Variants in NAALADL2 observed in about 807,000 individuals in gnomAD.
NAALADL2 encodes inactive N-acetylated-alpha-linked acidic dipeptidase-like protein 2.
A neutral mutation model predicts 87.2 loss-of-function variants in NAALADL2; 76 were observed. The ratio of observed to expected loss-of-function variants is 0.87; its 90% CI spans 0.72 to 1.05. NAALADL2 has a LOEUF of 1.05. NAALADL2 is among the 50% of genes least tolerant of loss of function. The probability of loss-of-function intolerance (pLI) is 0.00; values close to 1 mark genes in which losing one functional copy is unlikely to be tolerated. For missense variants in NAALADL2, 1,089 were observed against 945.8 expected (o/e 1.15, Z -1.99); for synonymous variants, 354 against 331.0 (o/e 1.07, Z -0.75).
chr3:175,650,375 A>T (rs1046774901), intron 11 of NAALADL2, among the ~76,000 whole-genome samples: 3 of 152,124 alleles, frequency 2.0e-5, no homozygotes, highest in African/African-American at 4.8e-5. Context: ...TTTTTAGAGG[A>T]TGGGAGAGGT....
chr3:175,748,010 T>G (rs1197292316), intron 12 of NAALADL2, among the ~76,000 whole-genome samples: 1 of 150,546 alleles, frequency 6.6e-6, no homozygotes, highest in Non-Finnish European at 1.5e-5. Flanking sequence ...ATCTGTTGCT[T>G]TTTTTTTTAA....
chr3:175,786,788 C>G (rs6798370), intron 13 of NAALADL2, among the ~76,000 whole-genome samples: 1,780 of 152,116 alleles, frequency 0.012, 43 homozygotes, highest in African/African-American at 0.041. Flanking sequence ...GAGAGGCGCT[C>G]TGCGTTTTAG....
At chr3:175,258,116 G>C (rs2109853778) in intron 4 of NAALADL2, among the ~76,000 whole-genome samples, 1 of 152,134 alleles carries the variant, frequency 6.6e-6, no homozygotes, top group South Asian at 2.1e-4. Flanking sequence ...AGACCATCTT[G>C]GCCAACATGG....
intron 2 of NAALADL2, among the ~76,000 whole-genome samples, chr3:175,156,913 G>T (rs1183638927): frequency 1.3e-5 from 2 of 151,934 alleles, no homozygotes; most frequent in Admixed American, 1.3e-4. Flanking sequence ...AATCAAGTCA[G>T]GTCGAACATA....
intron 2 of NAALADL2, among the ~76,000 whole-genome samples, chr3:175,143,213 G>A (rs1265022221): frequency 6.6e-6 from 1 of 151,890 alleles, no homozygotes; most frequent in African/African-American, 2.4e-5. Context: ...CATATGCATA[G>A]TATCTAATAG....
At chr3:175,506,576 A>G (rs1395055874) in intron 9 of NAALADL2, among the ~76,000 whole-genome samples, 2 of 152,246 alleles carry the variant, frequency 1.3e-5, no homozygotes, top group African/African-American at 4.8e-5. Flanking sequence ...ATTTTAATTC[A>G]TCTCAGTCAC....
intron 5 of NAALADL2, among the ~76,000 whole-genome samples, chr3:175,420,519 A>T (rs1251355438): frequency 6.6e-6 from 1 of 152,042 alleles, no homozygotes; most frequent in South Asian, 2.1e-4. Context: ...CCTTTGGAAC[A>T]TACAGCCAGT....
intron 5 of NAALADL2, among the ~76,000 whole-genome samples, chr3:175,380,051 G>A (rs1243265459): frequency 6.6e-6 from 1 of 152,066 alleles, no homozygotes; most frequent in Non-Finnish European, 1.5e-5. Flanking sequence ...GACTGTTGTG[G>A]GGTGTGGGCA....
chr3:175,637,045 C>A (rs9840114), intron 11 of NAALADL2, among the ~76,000 whole-genome samples: 1 of 152,196 alleles, frequency 6.6e-6, no homozygotes. Context: ...AATTCATTTA[C>A]GCTTAACACT....
intron 3 of NAALADL2, among the ~76,000 whole-genome samples, chr3:174,834,427 T>G (rs904952765): frequency 3.3e-5 from 5 of 151,142 alleles, no homozygotes; most frequent in Non-Finnish European, 7.4e-5. Context: ...AATTTCTGTC[T>G]AACGTTGTAA....
chr3:174,821,117 A>G (rs942898243), intron 3 of NAALADL2, among the ~76,000 whole-genome samples: 3 of 152,110 alleles, frequency 2.0e-5, no homozygotes, highest in East Asian at 1.9e-4. Context: ...CCACTCCCCT[A>G]TGGGGACTGG....
chr3:175,224,737 TTTTC>T (rs1177261136), intron 2 of NAALADL2, among the ~76,000 whole-genome samples: 2 of 152,210 alleles, frequency 1.3e-5, no homozygotes, highest in Non-Finnish European at 2.9e-5. Flanking sequence ...GAAACCTCTT[TTTTC>T]TTTCTTCATG....
rs562754438 is a variant in NAALADL2 at position 175,730,160 on chromosome 3, A to G, written c.1897-7146A>G. Among the ~76,000 whole-genome samples the G allele has an allele frequency of 2.0e-5, 3 of 151,908 alleles. No individual in the cohort carries two copies. In the South Asian group the frequency reaches 6.2e-4, roughly 32 times the overall value. ...AGCATTTATTGCAAATACAGTCACCATACTGGGTAATGAGCTACAATAATT... is the reference window on the plus strand; with the variant it reads ...AGCATTTATTGCAAATACAGTCACCGTACTGGGTAATGAGCTACAATAATT... On this transcript the variant is annotated intron_variant, in intron 11 of 13. Coordinates refer to ENST00000454872, the MANE Select transcript of NAALADL2 (RefSeq NM_207015.3).
intron 2 of NAALADL2, among the ~76,000 whole-genome samples, chr3:175,149,481 C>A (rs1731236159): frequency 6.6e-6 from 1 of 152,146 alleles, no homozygotes; most frequent in East Asian, 1.9e-4. Flanking sequence ...ACATCAAATA[C>A]CACATTGTGT....
At chr3:174,756,191 A>G (rs1712049214) in intron 3 of NAALADL2, among the ~76,000 whole-genome samples, 1 of 152,242 alleles carries the variant, frequency 6.6e-6, no homozygotes, top group South Asian at 2.1e-4. Flanking sequence ...TTGTTCTAAA[A>G]TACAAATGTT....
chr3:175,486,367 C>A (rs973884594), intron 9 of NAALADL2, among the ~76,000 whole-genome samples: 2 of 152,080 alleles, frequency 1.3e-5, no homozygotes, highest in Admixed American at 6.6e-5. Context: ...GAGTCTAATC[C>A]TCACTACGTA....
At chr3:175,488,879 C>T (rs565171603) in intron 9 of NAALADL2, among the ~76,000 whole-genome samples, 1 of 152,234 alleles carries the variant, frequency 6.6e-6, no homozygotes, top group East Asian at 1.9e-4. Context: ...TGGTTATAAG[C>T]CAGATATATA....
intron 5 of NAALADL2, among the ~76,000 whole-genome samples, chr3:175,337,209 G>A (rs1762073740): frequency 6.7e-6 from 1 of 148,912 alleles, no homozygotes; most frequent in East Asian, 1.9e-4. Flanking sequence ...AAGAGTCTTG[G>A]TTGGTCTGTG....
chr3:175,567,556 G>C (rs754425140), intron 9 of NAALADL2, among the ~76,000 whole-genome samples: 2 of 151,986 alleles, frequency 1.3e-5, no homozygotes, highest in Non-Finnish European at 2.9e-5. Flanking sequence ...TTCCAATTTG[G>C]CAATGCTACT....
Sources: gnomAD v4.1 joint callset for allele counts (sites outside exome capture counted in the v4.1 genomes callset) on GRCh38, gnomAD v4.1.1 for gene constraint, MANE v1.5 for transcripts, NCBI Gene and HGNC (gene_info 2026-07-23, HGNC 2026-07-21) for gene names.